Variants in LPA observed in about 807,000 individuals in gnomAD.
LPA encodes apolipoprotein(a).
LPA carries 199 observed loss-of-function variants against 197.9 expected under a neutral mutation model. The observed-to-expected ratio is 1.01, with a 90% confidence interval of 0.90 to 1.13. The LOEUF (loss-of-function observed/expected upper bound fraction) is 1.13. Among genes scored for constraint, LPA ranks in the 50% most tolerant of loss-of-function variants. The probability of loss-of-function intolerance (pLI) is 0.00; values close to 1 mark genes in which losing one functional copy is unlikely to be tolerated. For synonymous variants in LPA, 715 were observed against 639.5 expected (o/e 1.12, Z -1.78); for missense variants, 1,853 against 1,785.8 (o/e 1.04, Z -0.68).
chr6:160,584,206 CTTCTTCTTCTTCTTCTTCTTCTTCTTCT>C (rs1778854518), intron 26 of LPA, among the ~76,000 whole-genome samples: 1 of 124,174 alleles, frequency 8.1e-6, no homozygotes, highest in African/African-American at 3.1e-5. Flanking sequence ...TCTTCTTCTT[CTTCTTCTTCTTCTTCTTCTTCTTCTTCT>C]TCTTCCTCCT....
rs115555831 is a variant in LPA at position 160,603,513 on chromosome 6, G to A, written c.2945+1533C>T. Among the ~76,000 whole-genome samples, 758 of 151,966 alleles carry A rather than the reference G, an allele frequency of 5.0e-3. 9 individuals are homozygous for A. Among genetic ancestry groups the A allele is most frequent in the African/African-American group, 0.017 (712 of 41,430 alleles). ...CTTGATATGGTATCTGCTTCATTCC[G>A]TATTCATGTTTTCTTAAAACCTAAA... is the stretch of plus-strand genomic sequence containing the variant. On this transcript the variant is annotated intron_variant, in intron 18 of 38. Coordinates refer to ENST00000316300, the MANE Select transcript of LPA (RefSeq NM_005577.4).
intron 20 of LPA, among the ~76,000 whole-genome samples, chr6:160,597,570 A>T (rs1283497762): frequency 6.6e-6 from 1 of 152,228 alleles, no homozygotes; most frequent in Non-Finnish European, 1.5e-5. Context: ...AACTAACCTG[A>T]TTGGGAGACC....
intron 2 of LPA, among the ~76,000 whole-genome samples, chr6:160,648,998 T>C (rs1019681536): frequency 7.2e-5 from 11 of 152,314 alleles, no homozygotes; most frequent in African/African-American, 2.6e-4. Context: ...GGATACTGCA[T>C]AGCTGAGCCA....
At chr6:160,553,950 TGTGTGCGCGCGCGCGCGTGTGC>T (rs1292245114) in intron 30 of LPA, among the ~76,000 whole-genome samples, 1 of 120,840 alleles carries the variant, frequency 8.3e-6, no homozygotes, top group Admixed American at 7.6e-5. Flanking sequence ...TGTGTGTGTG[TGTGTGCGCGCGCGCGCGTGTGC>T]GTGTGTGTGT....
chr6:160,558,145 T>C (rs1778300498), intron 28 of LPA, among the ~76,000 whole-genome samples: 1 of 152,012 alleles, frequency 6.6e-6, no homozygotes, highest in Non-Finnish European at 1.5e-5. Context: ...GGTCTCAATC[T>C]CCTGACCTCG....
chr6:160,654,252 C>T (rs1275289416), intron 1 of LPA, among the ~76,000 whole-genome samples: 1 of 147,318 alleles, frequency 6.8e-6, no homozygotes, highest in Admixed American at 7.1e-5. Flanking sequence ...TGTTCAAGAG[C>T]AGGAAGCATT....
intron 27 of LPA, 62 bp from the exon 28 acceptor site, chr6:160,577,357 A>G: frequency 6.7e-7 from 1 of 1,486,812 alleles, no homozygotes; most frequent in Non-Finnish European, 9.4e-7. Flanking sequence ...CATGGGAGAC[A>G]ATTTATGTCA....
chr6:160,534,134 AAG>A (rs1777848285), intron 37 of LPA, among the ~76,000 whole-genome samples: 1 of 152,180 alleles, frequency 6.6e-6, no homozygotes, highest in South Asian at 2.1e-4. Context: ...AGCAGCGTGG[AAG>A]AGTCTCTTCC....
At chr6:160,656,341 C>T (rs1397447227) in intron 1 of LPA, among the ~76,000 whole-genome samples, 6 of 152,312 alleles carry the variant, frequency 3.9e-5, no homozygotes, top group African/African-American at 1.4e-4. Context: ...TAGCCCTCAT[C>T]CTACCAGTCA....
rs922313310 is a variant in LPA at position 160,611,469 on chromosome 6, G to C, written c.2603+93C>G. 3.2e-5 allele frequency: 50 copies of C among 1,557,992 alleles called. No homozygotes were observed. The East Asian group carries it at 7.2e-4, about 22-fold the overall frequency. ...GCTACACCATCTGAATCTGACACAA[G>C]TTGAGTTCGGAGAACTCAGCTTGAA... On this transcript the variant is annotated intron_variant, in intron 16 of 38. Transcript: ENST00000316300.
At position 160,542,813 on chromosome 6, in the gene LPA, G is replaced by A. The variant is rs553956944; in HGVS notation, c.5399-5C>T. 2 of 1,613,924 alleles carry A rather than the reference G, an allele frequency of 1.2e-6. No homozygotes were observed. The highest frequency in any genetic ancestry group is 2.7e-5 in the African/African-American group (2 of 75,040). On this transcript the variant is annotated splice_region_variant and splice_polypyrimidine_tract_variant and intron_variant, in intron 33 of 38. Coordinates refer to ENST00000316300, the MANE Select transcript of LPA (RefSeq NM_005577.4). The stretch of plus-strand genomic sequence containing the variant: ...CACAATCAAATGAAGAGGATGCTGT[G>A]GCACAAGGTGGGAAAAGAAGTCGCA...
chr6:160,583,617 T>C (rs1778840976), intron 26 of LPA, among the ~76,000 whole-genome samples: 1 of 152,184 alleles, frequency 6.6e-6, no homozygotes, highest in African/African-American at 2.4e-5. Flanking sequence ...TTTGTTCTCC[T>C]TTCTCTCTGG....
chr6:160,611,297 G>A (rs6455696), intron 16 of LPA, among the ~76,000 whole-genome samples: 1 of 151,772 alleles, frequency 6.6e-6, no homozygotes, highest in Admixed American at 6.6e-5. Context: ...AGTGTTTGGT[G>A]GTTCGTCATT....
At chr6:160,537,242 A>G (rs1270075002) in intron 37 of LPA, among the ~76,000 whole-genome samples, 1 of 152,186 alleles carries the variant, frequency 6.6e-6, no homozygotes, top group Non-Finnish European at 1.5e-5. Context: ...ATGCACAAAA[A>G]TATTCCCTCT....
intron 16 of LPA, among the ~76,000 whole-genome samples, chr6:160,610,133 T>G (rs1329685824): frequency 1.3e-5 from 2 of 152,158 alleles, no homozygotes; most frequent in Admixed American, 6.5e-5. Flanking sequence ...TATTGCCTGA[T>G]TTATTTTCTG....
rs1397024278 is a variant in LPA at position 160,595,373 on chromosome 6, T to G, written c.3450A>C (p.Thr1150=). 1.2e-6 allele frequency: 2 copies of G among 1,612,772 alleles called. No homozygotes were observed. The highest frequency in any genetic ancestry group is 3.3e-5 in the Admixed American group (2 of 60,002). The stretch of plus-strand genomic sequence containing the variant: ...TCCTACCTTCTTCAGAAGAAGCCTC[T>G]GTGCTTGGATCTGGGACCACCGTGA... The part of the protein sequence containing the change: ...ATLTVVPDPS[T]EASSEEAPTE... Residue 1150 remains threonine, a synonymous_variant, in exon 21 of 39, where the codon ACA becomes ACC. Coordinates refer to ENST00000316300, the MANE Select transcript of LPA (RefSeq NM_005577.4).
At chr6:160,554,498 G>T (rs980353017) in intron 30 of LPA, among the ~76,000 whole-genome samples, 3 of 152,088 alleles carry the variant, frequency 2.0e-5, no homozygotes, top group Non-Finnish European at 2.9e-5. Flanking sequence ...TTCTGGGGTA[G>T]TCTTTATTCT....
intron 30 of LPA, among the ~76,000 whole-genome samples, chr6:160,552,561 T>G (rs1245051368): frequency 6.6e-6 from 1 of 152,148 alleles, no homozygotes; most frequent in Non-Finnish European, 1.5e-5. Context: ...ACAGAAAAAG[T>G]TTTTGCACAT....
chr6:160,601,966 G>A (rs577429904), intron 18 of LPA, among the ~76,000 whole-genome samples: 35 of 152,338 alleles, frequency 2.3e-4, no homozygotes, highest in African/African-American at 8.4e-4. Flanking sequence ...GAGGACCTCA[G>A]GCTGGGGAAA....
Sources: allele counts gnomAD v4.1 joint callset (sites outside exome capture counted in the v4.1 genomes callset), GRCh38; gene constraint gnomAD v4.1.1; transcripts MANE v1.5; gene names NCBI Gene and HGNC (gene_info 2026-07-23, HGNC 2026-07-21).